ANGPT1: variants seen among roughly 807,000 people sequenced by gnomAD.
ANGPT1 encodes the protein angiopoietin 1.
ANGPT1 carries 17 observed loss-of-function variants against 62.2 expected under a neutral mutation model. The ratio of observed to expected loss-of-function variants is 0.27; its 90% CI spans 0.19 to 0.41. ANGPT1 has a LOEUF of 0.41. Ranked by LOEUF, ANGPT1 falls within the 10% of genes least tolerant of loss-of-function variation. The pLI, the probability that ANGPT1 is intolerant of heterozygous loss-of-function variation, is 1.00. For synonymous variants in ANGPT1, 199 were observed against 198.9 expected, an observed-to-expected ratio of 1.00 and a Z score of 0.00; for missense variants, 478 against 594.9, an observed-to-expected ratio of 0.80 and a Z score of 2.04.
At chr8:107,494,225 C>T (rs1368110689) in intron 1 of ANGPT1, among the ~76,000 whole-genome samples, 1 of 152,156 alleles carries the variant, frequency 6.6e-6, no homozygotes, top group Non-Finnish European at 1.5e-5. Context: ...TTTAAATGTA[C>T]ATCTTTGTGA....
chr8:107,307,663 C>A (rs929342398), intron 4 of ANGPT1, among the ~76,000 whole-genome samples: 2 of 152,070 alleles, frequency 1.3e-5, no homozygotes, highest in African/African-American at 4.8e-5. Flanking sequence ...ATTTTCCTCT[C>A]ATCACCTACC....
chr8:107,429,676 T>A (rs896113559), intron 1 of ANGPT1, among the ~76,000 whole-genome samples: 1 of 136,406 alleles, frequency 7.3e-6, no homozygotes, highest in African/African-American at 2.7e-5. Context: ...AAAAGTCGAC[T>A]CTGCTGGGTT....
intron 2 of ANGPT1, among the ~76,000 whole-genome samples, chr8:107,338,627 A>T (rs1195393788): frequency 6.6e-6 from 1 of 152,244 alleles, no homozygotes; most frequent in East Asian, 1.9e-4. Context: ...GCGTTTTAAA[A>T]AACATTTTTT....
At chr8:107,402,716 T>C (rs1422954074) in intron 1 of ANGPT1, among the ~76,000 whole-genome samples, 1 of 152,144 alleles carries the variant, frequency 6.6e-6, no homozygotes, top group Admixed American at 6.5e-5. Flanking sequence ...AGCATATACC[T>C]CTTTAGTCCA....
At chr8:107,444,649 ACT>A (rs1477189115) in intron 1 of ANGPT1, among the ~76,000 whole-genome samples, 1 of 152,144 alleles carries the variant, frequency 6.6e-6, no homozygotes, top group Non-Finnish European at 1.5e-5. Context: ...AGACTGACAG[ACT>A]CTGCTTATGT....
intron 1 of ANGPT1, among the ~76,000 whole-genome samples, chr8:107,370,660 G>A (rs1437214292): frequency 3.1e-5 from 4 of 127,558 alleles, no homozygotes; most frequent in East Asian, 4.9e-4. Context: ...CTGAGATCAC[G>A]CCACTGCACT....
intron 1 of ANGPT1, among the ~76,000 whole-genome samples, chr8:107,442,260 T>G (rs1479018104): frequency 6.6e-6 from 1 of 152,206 alleles, no homozygotes; most frequent in African/African-American, 2.4e-5. Context: ...CTATTGAATA[T>G]CTGTGGCAAT....
chr8:107,307,652 T>A (rs1347002109), intron 4 of ANGPT1, among the ~76,000 whole-genome samples: 1 of 152,120 alleles, frequency 6.6e-6, no homozygotes, highest in African/African-American at 2.4e-5. Context: ...TTTATCGGTT[T>A]ATTTTCCTCT....
chr8:107,374,846 T>C (rs1391099267), intron 1 of ANGPT1, among the ~76,000 whole-genome samples: 2 of 152,162 alleles, frequency 1.3e-5, no homozygotes, highest in Non-Finnish European at 2.9e-5. Context: ...TATCAGATGG[T>C]ATTTAGCTAG....
rs1478591236 is a variant in ANGPT1, at chr8:107,369,093, T to G, written c.298-21996A>C. On this transcript the variant is annotated intron_variant, in intron 1 of 8. Coordinates refer to ENST00000517746, the MANE Select transcript of ANGPT1 (RefSeq NM_001146.5). ...TTCCTCAATATAAAGTTGTTTCACC[T>G]ACATTAAAAATCTGTTGCTTAGTAT... Among the ~76,000 whole-genome samples the G allele has an allele frequency of 2.0e-5, 3 of 152,208 alleles. No individual in the cohort carries two copies. The East Asian group carries it at 5.8e-4, about 29-fold the overall frequency.
chr8:107,467,814 A>T (rs113314837), intron 1 of ANGPT1, among the ~76,000 whole-genome samples: 3 of 152,292 alleles, frequency 2.0e-5, no homozygotes, highest in Admixed American at 6.5e-5. Flanking sequence ...CAACAACAAT[A>T]ATGATATAAT....
At chr8:107,452,678 AT>A in intron 1 of ANGPT1, among the ~76,000 whole-genome samples, 1 of 152,096 alleles carries the variant, frequency 6.6e-6, no homozygotes, top group East Asian at 1.9e-4. Context: ...ATTTTAAAAA[AT>A]ACTTATATTT....
intron 4 of ANGPT1, among the ~76,000 whole-genome samples, chr8:107,321,276 T>A (rs1457158650): frequency 6.6e-6 from 1 of 152,038 alleles, no homozygotes; most frequent in Non-Finnish European, 1.5e-5. Flanking sequence ...AAAATTTGTA[T>A]CTCCACTGTC....
intron 1 of ANGPT1, among the ~76,000 whole-genome samples, chr8:107,347,709 A>G (rs925009519): frequency 1.3e-5 from 2 of 152,200 alleles, no homozygotes; most frequent in Non-Finnish European, 2.9e-5. Context: ...AGGCAATGAT[A>G]TATGAAATGA....
intron 8 of ANGPT1, among the ~76,000 whole-genome samples, chr8:107,254,897 G>A (rs1022460417): frequency 1.3e-5 from 2 of 151,962 alleles, no homozygotes; most frequent in African/African-American, 2.4e-5. Flanking sequence ...AACCAGATCT[G>A]CTAGGTTAAA....
chr8:107,459,466 G>T (rs946398117), intron 1 of ANGPT1, among the ~76,000 whole-genome samples: 1 of 149,836 alleles, frequency 6.7e-6, no homozygotes, highest in African/African-American at 2.5e-5. Context: ...TCCAGCCTGG[G>T]CAAGTGAGTG....
chr8:107,259,919 C>G (rs1269912136), intron 8 of ANGPT1, among the ~76,000 whole-genome samples: 1 of 151,922 alleles, frequency 6.6e-6, no homozygotes, highest in Admixed American at 6.6e-5. Context: ...ACATATTTAT[C>G]TCCATATACA....
intron 1 of ANGPT1, among the ~76,000 whole-genome samples, chr8:107,425,522 C>CTTGCT (rs1353649573): frequency 1.3e-5 from 2 of 152,156 alleles, no homozygotes; most frequent in African/African-American, 4.8e-5. Context: ...GCATGCTTAT[C>CTTGCT]TTGCTTTTCT....
intron 1 of ANGPT1, among the ~76,000 whole-genome samples, chr8:107,411,518 C>T (rs1205876210): frequency 1.3e-5 from 2 of 152,002 alleles, no homozygotes; most frequent in African/African-American, 4.8e-5. Context: ...AGATAAAAGA[C>T]TATGTAAAAA....
Sources: gnomAD v4.1 joint callset for allele counts (sites outside exome capture counted in the v4.1 genomes callset) on GRCh38, gnomAD v4.1.1 for gene constraint, MANE v1.5 for transcripts, NCBI Gene and HGNC (gene_info 2026-07-23, HGNC 2026-07-21) for gene names.